The following IP6K2 variants were observed in gnomAD, a reference collection of about 807,000 sequenced individuals.
IP6K2 encodes the protein inositol hexakisphosphate kinase 2, also known as ATP:1D-myo-inositol-hexakisphosphate phosphotransferase.
Under a neutral mutation model 43.3 loss-of-function variants are expected in IP6K2, and 9 were observed. The ratio of observed to expected loss-of-function variants is 0.21; its 90% confidence interval spans 0.13 to 0.36. The LOEUF is 0.36. Ranked by LOEUF, IP6K2 falls within the 10% of genes least tolerant of loss-of-function variation. The pLI, the probability that IP6K2 is intolerant of heterozygous loss-of-function variation, is 1.00. For missense variants in IP6K2, 332 were observed against 538.4 expected (o/e 0.62, Z 3.79); for synonymous variants, 209 against 202.4 (o/e 1.03, Z -0.28).
chr3:48,691,568 C>A (rs1430637471), intron 3 of IP6K2, 86 bp from the exon 4 acceptor site: 4 of 1,007,262 alleles, frequency 4.0e-6, no homozygotes, highest in African/African-American at 1.6e-5. Context: ...GTAATCCCAG[C>A]ACTTTGGGAG....
chr3:48,694,371 CAGTCCCAA>C (rs1194152644), intron 2 of IP6K2: 1 of 1,544,434 alleles, frequency 6.5e-7, no homozygotes, highest in Non-Finnish European at 8.8e-7. Flanking sequence ...AATGTTTCAA[CAGTCCCAA>C]AAGAACCTAA....
At chr3:48,716,794 G>A (rs1000943169) in intron 1 of IP6K2, among the ~76,000 whole-genome samples, 2 of 152,070 alleles carry the variant, frequency 1.3e-5, no homozygotes, top group East Asian at 1.9e-4. Flanking sequence ...ATGACCTGGG[G>A]AGACCCCTCA....
At chr3:48,701,393 C>G (rs1289675271) in intron 1 of IP6K2, among the ~76,000 whole-genome samples, 2 of 151,720 alleles carry the variant, frequency 1.3e-5, no homozygotes, top group African/African-American at 2.4e-5. Flanking sequence ...ATGGCGAAAC[C>G]CTGTCTCTAC....
At chr3:48,704,854 C>G (rs1236859376) in intron 1 of IP6K2, among the ~76,000 whole-genome samples, 1 of 152,056 alleles carries the variant, frequency 6.6e-6, no homozygotes, top group Non-Finnish European at 1.5e-5. Flanking sequence ...CTCACGGCAA[C>G]CTCTGCCTCC....
At chr3:48,691,267 C>G (rs558752511) in intron 4 of IP6K2, 40 bp downstream of exon 4, 1 of 1,548,822 alleles carries the variant, frequency 6.5e-7, no homozygotes, top group East Asian at 2.3e-5. Flanking sequence ...TTCCTCTCCT[C>G]TTACCCTCAA....
chr3:48,694,480 C>T (rs751830221), intron 2 of IP6K2: 157 of 1,548,410 alleles, frequency 1.0e-4, no homozygotes, highest in Non-Finnish European at 1.3e-4. Context: ...AAGACTCCCC[C>T]ACTCCCCAAC....
At position 48,695,468 on chromosome 3, in the gene IP6K2, AAGTG is replaced by A; in HGVS notation, c.-130-51_-130-48del. 5 of 1,397,262 alleles carry A rather than the reference AAGTG, an allele frequency of 3.6e-6. No individual in the cohort carries two copies. Among genetic ancestry groups the A allele is most frequent in the South Asian group, 3.4e-5 (2 of 59,662 alleles). 86.6% of individuals were successfully genotyped at this position (1,397,262 alleles called of 1,614,324 possible). A position where few individuals can be genotyped will look rare whatever the true frequency, so the allele number is the denominator to read the frequency against. On this transcript the variant is annotated intron_variant, in intron 1 of 5. Coordinates refer to ENST00000328631, the MANE Select transcript of IP6K2 (RefSeq NM_016291.4). This position sits in a 1 kb window ranked among gnomAD's most constrained non-coding sequence, Gnocchi z 4.6. ...ACATGGGGGTTCGAAGTAGCGTGGG[AAGTG>A]CCTTAGAGCTGCTCACCCTGCTCCT...
At chr3:48,693,258 T>C (rs1336845711) in intron 2 of IP6K2, 79 bp from the exon 3 acceptor site, 6 of 1,346,842 alleles carry the variant, frequency 4.5e-6, no homozygotes, top group East Asian at 4.6e-5. Flanking sequence ...GTAACATTTG[T>C]TTTTTTCTTA....
chr3:48,713,176 G>A lies in IP6K2; in HGVS notation c.-131+3981C>T, dbSNP rs566000212. Among the ~76,000 whole-genome samples the A allele has an allele frequency of 9.9e-5, 15 of 152,242 alleles. 1 individual carries two copies. The South Asian group carries it at 2.9e-3, about 29-fold the overall frequency. The stretch of plus-strand genomic sequence containing the variant: ...TATTCTTATAAAACAAATACTGAAG[G>A]GGGATGCGAGATTTTTGCAATCCCC... On this transcript the variant is annotated intron_variant, in intron 1 of 5. Transcript: ENST00000328631.
intron 4 of IP6K2, among the ~76,000 whole-genome samples, chr3:48,691,050 G>A (rs565989030): frequency 3.7e-4 from 56 of 152,086 alleles, no homozygotes; most frequent in African/African-American, 1.3e-3. Flanking sequence ...ATGCAAGCTG[G>A]CCCCTTCATG....
At chr3:48,702,571 G>C (rs937196361) in intron 1 of IP6K2, among the ~76,000 whole-genome samples, 1 of 152,026 alleles carries the variant, frequency 6.6e-6, no homozygotes, top group Non-Finnish European at 1.5e-5. Context: ...AGCCTCCTGA[G>C]CAGCTCTGAC....
intron 1 of IP6K2, among the ~76,000 whole-genome samples, chr3:48,699,193 C>T (rs1575654727): frequency 1.3e-5 from 2 of 152,040 alleles, no homozygotes; most frequent in African/African-American, 4.8e-5. Flanking sequence ...GTGGAATCAC[C>T]TGAGGTCTGG....
At chr3:48,697,222 A>G (rs1015551814) in intron 1 of IP6K2, among the ~76,000 whole-genome samples, 1 of 151,596 alleles carries the variant, frequency 6.6e-6, no homozygotes, top group Non-Finnish European at 1.5e-5. Context: ...GGGTTTCACC[A>G]TGTTAGCCAG....
At chr3:48,698,688 G>C (rs547466013) in intron 1 of IP6K2, among the ~76,000 whole-genome samples, 2 of 152,104 alleles carry the variant, frequency 1.3e-5, no homozygotes, top group Admixed American at 6.6e-5. Flanking sequence ...GGCCAGGCTG[G>C]TCTCGAAATC....
chr3:48,691,047 C>A (rs2077740213), intron 4 of IP6K2, among the ~76,000 whole-genome samples: 1 of 152,126 alleles, frequency 6.6e-6, no homozygotes, highest in African/African-American at 2.4e-5. Context: ...CTGATGCAAG[C>A]TGGCCCCTTC....
At chr3:48,714,271 T>C (rs1029522395) in intron 1 of IP6K2, among the ~76,000 whole-genome samples, 2 of 152,168 alleles carry the variant, frequency 1.3e-5, no homozygotes, top group East Asian at 3.9e-4. Context: ...TTCACCATGT[T>C]GGCCAGACTG....
chr3:48,704,092 AAAAAGAAAAG>A (rs549076782), intron 1 of IP6K2, among the ~76,000 whole-genome samples: 32 of 152,220 alleles, frequency 2.1e-4, no homozygotes, highest in African/African-American at 4.8e-5. Flanking sequence ...CTCTATCTCA[AAAAAGAAAAG>A]AAAAGAAAAG....
At chr3:48,694,831 A>G in intron 2 of IP6K2, 1 of 1,536,726 alleles carries the variant, frequency 6.5e-7, no homozygotes, top group Non-Finnish European at 8.7e-7. Context: ...ACACCTGAAC[A>G]TAAAACACAA....
chr3:48,693,394 G>GTC (rs1261245525), intron 2 of IP6K2: 3 of 1,208,954 alleles, frequency 2.5e-6, no homozygotes, highest in Non-Finnish European at 3.6e-6. Flanking sequence ...ATGGCTGAGA[G>GTC]TCTTCCTCTC....
Sources: allele counts gnomAD v4.1 joint callset (sites outside exome capture counted in the v4.1 genomes callset), GRCh38; gene constraint gnomAD v4.1.1; non-coding constraint Gnocchi (gnomAD v3.1); transcripts MANE v1.5; gene names NCBI Gene and HGNC (gene_info 2026-07-23, HGNC 2026-07-21).